Variants in TMEM74 observed in about 807,000 individuals in gnomAD.
TMEM74 encodes transmembrane protein 74.
TMEM74 carries 13 observed loss-of-function variants against 18.1 expected under a neutral mutation model. That is an observed-to-expected ratio of 0.72 (90% CI 0.47 to 1.14). The LOEUF is 1.14. Ranked by LOEUF, TMEM74 falls within the 50% of genes most tolerant of loss-of-function variation. The pLI, the probability that TMEM74 is intolerant of heterozygous loss-of-function variation, is 0.00. For synonymous variants in TMEM74, 159 were observed against 146.6 expected, an observed-to-expected ratio of 1.08 and a Z score of -0.61; for missense variants, 372 against 375.9, an observed-to-expected ratio of 0.99 and a Z score of 0.09.
At chr8:108,642,482 G>C (rs145912349) in intron 2 of TMEM74, among the ~76,000 whole-genome samples, 4 of 151,624 alleles carry the variant, frequency 2.6e-5, no homozygotes, top group African/African-American at 7.3e-5. Context: ...GAAAACAATC[G>C]ACAAAGCTGG....
At chr8:108,719,764 A>G (rs1332479591) in intron 1 of TMEM74, among the ~76,000 whole-genome samples, 1 of 152,238 alleles carries the variant, frequency 6.6e-6, no homozygotes, top group African/African-American at 2.4e-5. Flanking sequence ...TTGGTGGATA[A>G]ATTTGAGAAG....
intron 1 of TMEM74, among the ~76,000 whole-genome samples, chr8:108,745,384 A>T (rs539195519): frequency 6.6e-6 from 1 of 152,268 alleles, no homozygotes; most frequent in Admixed American, 6.5e-5. Context: ...ATAAAACTTT[A>T]CTTATGAACA....
intron 2 of TMEM74, among the ~76,000 whole-genome samples, chr8:108,612,789 T>C (rs1415239080): frequency 6.6e-6 from 1 of 152,240 alleles, no homozygotes; most frequent in Non-Finnish European, 1.5e-5. Flanking sequence ...ATCCTGGCTC[T>C]AGTTTCTTCT....
intron 1 of TMEM74, among the ~76,000 whole-genome samples, chr8:108,672,182 G>A (rs1813010795): frequency 6.6e-6 from 1 of 152,160 alleles, no homozygotes; most frequent in African/African-American, 2.4e-5. Flanking sequence ...GCAAAGCTAA[G>A]GCAGTGCTAG....
intron 1 of TMEM74, among the ~76,000 whole-genome samples, chr8:108,676,932 G>C (rs551056872): frequency 6.6e-6 from 1 of 152,350 alleles, no homozygotes; most frequent in African/African-American, 2.4e-5. Context: ...GCTTGACTTA[G>C]AAAGTCTTAT....
At chr8:108,627,919 G>A (rs191218569) in intron 2 of TMEM74, among the ~76,000 whole-genome samples, 151 of 152,098 alleles carry the variant, frequency 9.9e-4, no homozygotes, top group Non-Finnish European at 1.8e-3. Context: ...GCTGGGTATG[G>A]TGGTGCATGC....
At chr8:108,770,030 T>G (rs920555595) in intron 1 of TMEM74, among the ~76,000 whole-genome samples, 19 of 152,226 alleles carry the variant, frequency 1.2e-4, no homozygotes, top group Admixed American at 2.6e-4. Flanking sequence ...TCTTAGCTTT[T>G]TATTGCTGTT....
chr8:108,614,393 A>G (rs1436154046), intron 2 of TMEM74, among the ~76,000 whole-genome samples: 1 of 152,196 alleles, frequency 6.6e-6, no homozygotes, highest in Non-Finnish European at 1.5e-5. Context: ...AATTTTAAGA[A>G]TAATTTTCTC....
intron 1 of TMEM74, among the ~76,000 whole-genome samples, chr8:108,685,916 T>C (rs967297899): frequency 6.6e-6 from 1 of 152,022 alleles, no homozygotes; most frequent in Admixed American, 6.6e-5. Context: ...AGCAGAAGAA[T>C]GTGTAAGGTT....
chr8:108,622,677 G>A (rs1812455511), intron 2 of TMEM74, among the ~76,000 whole-genome samples: 2 of 152,004 alleles, frequency 1.3e-5, no homozygotes, highest in South Asian at 2.1e-4. Flanking sequence ...AGTTATCTTA[G>A]TATTTTATAG....
chr8:108,653,376 G>A (rs920671742), intron 2 of TMEM74: 4 of 152,756 alleles, frequency 2.6e-5, no homozygotes, highest in African/African-American at 9.6e-5. Flanking sequence ...CAAAGAACAG[G>A]GCAGAGGGTG....
At chr8:108,662,640 G>A (rs3019406) in intron 1 of TMEM74, among the ~76,000 whole-genome samples, 34,363 of 152,028 alleles carry the variant, frequency 0.23, 4,058 homozygotes, top group East Asian at 0.29. Context: ...GGTAAGCAGT[G>A]ATGAGATTAG....
At chr8:108,708,897 C>CAAACAAATG (rs990750265) in intron 1 of TMEM74, among the ~76,000 whole-genome samples, 1 of 138,296 alleles carries the variant, frequency 7.2e-6, no homozygotes, top group Admixed American at 7.2e-5. Flanking sequence ...CCAAAGAAGG[C>CAAACAAATG]AAACAAATGG....
chr8:108,666,062 C>T (rs1812946267), intron 1 of TMEM74, among the ~76,000 whole-genome samples: 1 of 152,082 alleles, frequency 6.6e-6, no homozygotes, highest in South Asian at 2.1e-4. Context: ...GAGACAAAAT[C>T]ACCACAGAAT....
intron 2 of TMEM74, among the ~76,000 whole-genome samples, chr8:108,615,773 G>T (rs1048512517): frequency 2.0e-5 from 3 of 149,264 alleles, no homozygotes; most frequent in Non-Finnish European, 4.4e-5. Context: ...TTGGGGTAAG[G>T]TTTCTGGGCT....
chr8:108,769,758 A>AT (rs796721427), intron 1 of TMEM74, among the ~76,000 whole-genome samples: 3 of 152,134 alleles, frequency 2.0e-5, no homozygotes, highest in African/African-American at 4.8e-5. Flanking sequence ...CAATATATAT[A>AT]TTTTTTTAAT....
At chr8:108,757,148 G>A (rs1813984675) in intron 1 of TMEM74, among the ~76,000 whole-genome samples, 3 of 152,000 alleles carry the variant, frequency 2.0e-5, no homozygotes, top group Admixed American at 2.0e-4. Flanking sequence ...TTCCTAATTT[G>A]AGGTCTACAA....
In TMEM74 at chr8:108,756,599, A is replaced by AAAGAAAGAGAAAGG. The variant is rs1586286218; in HGVS notation, n.119+30876_119+30877insCCTTTCTCTTTCTT. 2.1e-4 allele frequency among the ~76,000 whole-genome samples: 11 copies of AAAGAAAGAGAAAGG among 51,522 alleles called. No individual in the cohort carries two copies. The East Asian group carries it at 3.0e-3, about 14-fold the overall frequency. 33.8% of individuals were successfully genotyped at this position (51,522 alleles called of 152,430 possible). A position where few individuals can be genotyped will look rare whatever the true frequency, so the allele number is the denominator to read the frequency against. On this transcript the variant is annotated intron_variant and non_coding_transcript_variant, in intron 1 of 3. Transcript: ENST00000518838. ...AAGAAAGAAAGAAAGAAAGAAAGAG[A>AAAGAAAGAGAAAGG]AAGGAAGGAAGGAAGGAAGGAAGGA...
chr8:108,628,775 C>T (rs1812521289), intron 2 of TMEM74, among the ~76,000 whole-genome samples: 1 of 152,008 alleles, frequency 6.6e-6, no homozygotes, highest in African/African-American at 2.4e-5. Flanking sequence ...TTTAGTTCTC[C>T]ACATCCTCGC....
Sources: allele counts gnomAD v4.1 joint callset (sites outside exome capture counted in the v4.1 genomes callset), GRCh38; gene constraint gnomAD v4.1.1; transcripts MANE v1.5; gene names NCBI Gene and HGNC (gene_info 2026-07-23, HGNC 2026-07-21).